Variants in BLTP3B observed in about 807,000 individuals in gnomAD.
BLTP3B encodes bridge-like lipid transfer protein family member 3B.
At chr12:100,123,850 C>T in the BLTP3B span, among the ~76,000 whole-genome samples, 1 of 151,908 alleles carries the variant, frequency 6.6e-6, no homozygotes, top group African/African-American at 2.4e-5. Context: ...TCTCATATAA[C>T]CAGTTTTTCC....
chr12:100,130,985 GAGAGAGAGAGAGA>G, the BLTP3B span, among the ~76,000 whole-genome samples: 1 of 57,974 alleles, frequency 1.7e-5, no homozygotes, highest in African/African-American at 4.9e-5. Context: ...GAGGGAGGGA[GAGAGAGAGAGAGA>G]GAGAGAGAGA....
chr12:100,059,884 T>C, the BLTP3B span: 2 of 1,612,318 alleles, frequency 1.2e-6, no homozygotes, highest in South Asian at 1.1e-5. Flanking sequence ...AACATCAACA[T>C]GCTCGTCAGA....
chr12:100,050,463 G>T, the BLTP3B span: 1 of 646,786 alleles, frequency 1.5e-6, no homozygotes, highest in Non-Finnish European at 2.3e-6. Context: ...ACAGAACACG[G>T]TTGTTACATT....
the BLTP3B span, among the ~76,000 whole-genome samples, chr12:100,069,204 T>A: frequency 6.6e-6 from 1 of 151,868 alleles, no homozygotes; most frequent in Non-Finnish European, 1.5e-5. Context: ...AGAGTAAGAC[T>A]CCATCTCAAA....
the BLTP3B span, among the ~76,000 whole-genome samples, chr12:100,103,608 T>C: frequency 6.6e-6 from 1 of 152,294 alleles, no homozygotes; most frequent in East Asian, 1.9e-4. Flanking sequence ...AAAGACAGTC[T>C]GGATCAAATG....
chr12:100,060,137 T>G, the BLTP3B span: 3 of 1,007,196 alleles, frequency 3.0e-6, no homozygotes, highest in Non-Finnish European at 2.7e-6. Context: ...GTTTTATTCT[T>G]TCTTAAGATA....
At chr12:100,098,014 T>C in the BLTP3B span, among the ~76,000 whole-genome samples, 1 of 152,080 alleles carries the variant, frequency 6.6e-6, no homozygotes, top group African/African-American at 2.4e-5. Flanking sequence ...CCCAGGAGTA[T>C]GAGACCAGCC....
chr12:100,056,521 G>A, the BLTP3B span, among the ~76,000 whole-genome samples: 4 of 151,956 alleles, frequency 2.6e-5, no homozygotes, highest in East Asian at 7.7e-4. Context: ...ATCTAAATCA[G>A]TGGGCTTATT....
chr12:100,129,494 C>T, the BLTP3B span, among the ~76,000 whole-genome samples: 1 of 152,160 alleles, frequency 6.6e-6, no homozygotes, highest in East Asian at 1.9e-4. Flanking sequence ...CAACGGTGAA[C>T]AAGACAAGCA....
At chr12:100,088,664 A>AT in the BLTP3B span, among the ~76,000 whole-genome samples, 25 of 152,132 alleles carry the variant, frequency 1.6e-4, 1 homozygote, top group South Asian at 5.2e-3. Context: ...ATTCAGTCTG[A>AT]TTTTTTTAAA....
the BLTP3B span, among the ~76,000 whole-genome samples, chr12:100,044,008 T>C: frequency 4.6e-5 from 7 of 152,294 alleles, no homozygotes; most frequent in African/African-American, 9.6e-5. Context: ...AAGAACTATA[T>C]ATATGTGGTT....
chr12:100,084,464 T>C, the BLTP3B span: 4 of 1,608,546 alleles, frequency 2.5e-6, no homozygotes, highest in Non-Finnish European at 3.4e-6. Flanking sequence ...AATGCTATTA[T>C]AGGTAAAATA....
At chr12:100,073,184 C>T in the BLTP3B span, among the ~76,000 whole-genome samples, 10,430 of 152,082 alleles carry the variant, frequency 0.069, 394 homozygotes, top group South Asian at 0.088. Context: ...AATGCTTCCC[C>T]GTACGCTGTT....
At chr12:100,142,282 C>T in the BLTP3B span, among the ~76,000 whole-genome samples, 6 of 152,244 alleles carry the variant, frequency 3.9e-5, no homozygotes, top group Non-Finnish European at 8.8e-5. Context: ...CAGTACCGCA[C>T]AGAGCCGAGC....
At chr12:100,053,810 A>G in the BLTP3B span, among the ~76,000 whole-genome samples, 1 of 152,212 alleles carries the variant, frequency 6.6e-6, no homozygotes, top group Non-Finnish European at 1.5e-5. Context: ...GGAAATGCCT[A>G]GAGTAAAAAA....
chr12:100,060,808 ATATT>A, the BLTP3B span, among the ~76,000 whole-genome samples: 2 of 152,216 alleles, frequency 1.3e-5, no homozygotes, highest in African/African-American at 2.4e-5. Flanking sequence ...AAATTCAGAC[ATATT>A]TATTCCTACA....
At chr12:100,062,666 A>G in the BLTP3B span, among the ~76,000 whole-genome samples, 1 of 152,220 alleles carries the variant, frequency 6.6e-6, no homozygotes, top group Non-Finnish European at 1.5e-5. Flanking sequence ...AAGCTTGTAT[A>G]AATAAGCCTG....
the BLTP3B span, chr12:100,072,842 C>A: frequency 6.4e-7 from 1 of 1,571,652 alleles, no homozygotes; most frequent in South Asian, 1.2e-5. Flanking sequence ...TTACTGAAAT[C>A]ACACTGAATA....
chr12:100,079,673 C>G, the BLTP3B span, among the ~76,000 whole-genome samples: 1 of 152,100 alleles, frequency 6.6e-6, no homozygotes, highest in Non-Finnish European at 1.5e-5. Flanking sequence ...CAGAAATTTG[C>G]GTAAGTAAAG....
Sources: gnomAD v4.1 joint callset for allele counts (sites outside exome capture counted in the v4.1 genomes callset) on GRCh38, gnomAD v4.1.1 for gene constraint, MANE v1.5 for transcripts, NCBI Gene and HGNC (gene_info 2026-07-23, HGNC 2026-07-21) for gene names.